USP13: variants seen among roughly 807,000 people sequenced by gnomAD.
USP13 encodes the protein ubiquitin carboxyl-terminal hydrolase 13.
In USP13, 68 loss-of-function variants were observed where a neutral mutation model predicts 107.8. The ratio of observed to expected loss-of-function variants is 0.63; its 90% CI spans 0.52 to 0.77. USP13 has a LOEUF of 0.77. USP13 is among the 30% of genes least tolerant of loss of function. The probability of loss-of-function intolerance (pLI) is 0.00; values close to 1 mark genes in which losing one functional copy is unlikely to be tolerated. For missense variants in USP13, 945 were observed against 1,093.3 expected, an observed-to-expected ratio of 0.86 and a Z score of 1.91; for synonymous variants, 377 against 389.5, an observed-to-expected ratio of 0.97 and a Z score of 0.38.
At chr3:179,698,870 TA>T (rs1560052814) in intron 3 of USP13, among the ~76,000 whole-genome samples, 1 of 85,298 alleles carries the variant, frequency 1.2e-5, no homozygotes, top group Non-Finnish European at 2.8e-5. Flanking sequence ...GGTTGAATAC[TA>T]TTTTTTTTTT....
intron 1 of USP13, among the ~76,000 whole-genome samples, chr3:179,676,656 T>C (rs1711502586): frequency 6.6e-6 from 1 of 152,158 alleles, no homozygotes; most frequent in Admixed American, 6.5e-5. Flanking sequence ...ATTTAGGTAT[T>C]AATAGGGCAA....
chr3:179,778,885 A>G (rs1715643699), intron 19 of USP13, among the ~76,000 whole-genome samples: 2 of 152,174 alleles, frequency 1.3e-5, no homozygotes, highest in African/African-American at 4.8e-5. Flanking sequence ...AAGGAGGGTT[A>G]CTATTTATAA....
In USP13 at chr3:179,765,819, A is replaced by C. The variant is rs1560079894; in HGVS notation, c.2384A>C (p.Glu795Ala). The change falls in exon 19 of 21, where the codon GAA becomes GCA. Residue 795 changes from glutamate to alanine, a missense_variant. Coordinates refer to ENST00000263966, the MANE Select transcript of USP13 (RefSeq NM_003940.3). ...NANIISEAKP[E>A]GPRVKDGSGT... Reference sequence around the variant, plus strand: ...AACATTATTTCTGAGGCCAAGCCCGAAGGACCTAGAGTCAAGGATGGATCT... The same window carrying C: ...AACATTATTTCTGAGGCCAAGCCCGCAGGACCTAGAGTCAAGGATGGATCT... The C allele has an allele frequency of 3.7e-6, 6 of 1,614,160 alleles. No homozygotes were observed. The highest frequency in any genetic ancestry group is 5.1e-6 in the Non-Finnish European group (6 of 1,180,020).
intron 10 of USP13, among the ~76,000 whole-genome samples, chr3:179,734,231 G>A (rs774228712): frequency 2.6e-5 from 4 of 152,108 alleles, no homozygotes; most frequent in African/African-American, 4.8e-5. Flanking sequence ...TTGTGGTACC[G>A]CCATTTTTAC....
intron 17 of USP13, among the ~76,000 whole-genome samples, chr3:179,763,159 C>CA (rs1248651508): frequency 6.6e-6 from 1 of 152,178 alleles, no homozygotes; most frequent in African/African-American, 2.4e-5. Context: ...TTTTCCCCCC[C>CA]ATTCTGGTGT....
intron 1 of USP13, among the ~76,000 whole-genome samples, chr3:179,656,142 A>C (rs1209909996): frequency 6.6e-6 from 1 of 152,230 alleles, no homozygotes; most frequent in African/African-American, 2.4e-5. Flanking sequence ...AAGGCCAGGG[A>C]AATTATATGT....
intron 19 of USP13, among the ~76,000 whole-genome samples, chr3:179,774,527 G>C: frequency 6.8e-6 from 1 of 147,564 alleles, no homozygotes; most frequent in East Asian, 1.9e-4. Flanking sequence ...GGAGTTGTTC[G>C]TTCCTCCTGT....
At chr3:179,703,811 A>G (rs1712618648) in intron 4 of USP13, among the ~76,000 whole-genome samples, 1 of 152,230 alleles carries the variant, frequency 6.6e-6, no homozygotes. Context: ...CAGTAAAACA[A>G]TTAGGAAGTG....
At chr3:179,778,275 G>T (rs1715615288) in intron 19 of USP13, among the ~76,000 whole-genome samples, 1 of 152,198 alleles carries the variant, frequency 6.6e-6, no homozygotes, top group African/African-American at 2.4e-5. Context: ...GTGAGGAAAT[G>T]AAGCGAAAGG....
At chr3:179,695,533 ATT>A (rs199646442) in intron 3 of USP13, among the ~76,000 whole-genome samples, 6 of 144,396 alleles carry the variant, frequency 4.2e-5, no homozygotes, top group Admixed American at 7.0e-5. Context: ...TTTTGCTGCT[ATT>A]TTTTTTTTTT....
intron 1 of USP13, among the ~76,000 whole-genome samples, chr3:179,668,697 C>T (rs1413125670): frequency 6.6e-6 from 1 of 152,156 alleles, no homozygotes; most frequent in African/African-American, 2.4e-5. Context: ...GCTGAGATTA[C>T]AGGCATGAGC....
At chr3:179,737,292 A>C (rs1024726005) in intron 10 of USP13, among the ~76,000 whole-genome samples, 1 of 152,202 alleles carries the variant, frequency 6.6e-6, no homozygotes, top group Non-Finnish European at 1.5e-5. Flanking sequence ...CCCATCTGTC[A>C]AGTGGAGAAA....
At chr3:179,736,651 T>C (rs572883852) in intron 10 of USP13, among the ~76,000 whole-genome samples, 1 of 152,322 alleles carries the variant, frequency 6.6e-6, no homozygotes, top group African/African-American at 2.4e-5. Context: ...TTAAGAAAAG[T>C]TGGTTAAGGA....
intron 6 of USP13, among the ~76,000 whole-genome samples, chr3:179,714,638 T>A (rs1713043064): frequency 6.6e-6 from 1 of 152,148 alleles, no homozygotes; most frequent in South Asian, 2.1e-4. Flanking sequence ...CAAAATCTGC[T>A]TCTATTTGGG....
chr3:179,766,591 A>G (rs575048960), intron 19 of USP13, among the ~76,000 whole-genome samples: 89 of 152,360 alleles, frequency 5.8e-4, no homozygotes, highest in African/African-American at 2.0e-3. Context: ...AAGAGGCGCC[A>G]TAGGCCGTTG....
At chr3:179,760,705 C>A (rs1428562139) in intron 16 of USP13, among the ~76,000 whole-genome samples, 1 of 152,136 alleles carries the variant, frequency 6.6e-6, no homozygotes, top group African/African-American at 2.4e-5. Flanking sequence ...TATAGGCCTG[C>A]AGTAACTTTC....
rs1443558097 is a variant in USP13 at position 179,742,039 on chromosome 3, C to T, written c.1381-158C>T. 6.6e-6 allele frequency among the ~76,000 whole-genome samples: 1 copy of T among 152,004 alleles called. No individual in the cohort carries two copies. The highest frequency in any genetic ancestry group is 1.5e-5 in the Non-Finnish European group (1 of 68,016). ...CCCATTTTTGGACTTTAGATAAATT[C>T]CAGTGTTTTTCTATTAAAGTGCTTT... On this transcript the variant is annotated intron_variant, in intron 11 of 20. Transcript: ENST00000263966. This position sits in a 1 kb window ranked among gnomAD's most constrained non-coding sequence, Gnocchi z 5.0.
At chr3:179,775,850 C>T (rs962026662) in intron 19 of USP13, among the ~76,000 whole-genome samples, 1 of 152,208 alleles carries the variant, frequency 6.6e-6, no homozygotes, top group Admixed American at 6.5e-5. Context: ...GCCTGCGCCT[C>T]TCCCTCCACC....
At chr3:179,704,620 TC>T (rs909103017) in intron 4 of USP13, among the ~76,000 whole-genome samples, 2 of 152,138 alleles carry the variant, frequency 1.3e-5, no homozygotes, top group African/African-American at 4.8e-5. Context: ...AGGTGGCATG[TC>T]CCAAACCCAT....
Sources: allele counts gnomAD v4.1 joint callset (sites outside exome capture counted in the v4.1 genomes callset), GRCh38; gene constraint gnomAD v4.1.1; non-coding constraint Gnocchi (gnomAD v3.1); transcripts MANE v1.5; gene names NCBI Gene and HGNC (gene_info 2026-07-23, HGNC 2026-07-21).